The following ADARB2 variants were observed in gnomAD, a reference collection of about 807,000 sequenced individuals.
ADARB2 encodes the protein adenosine deaminase RNA specific B2 (inactive), also known as inactive double-stranded RNA-specific editase B2.
In ADARB2, 25 loss-of-function variants were observed where a neutral mutation model predicts 62.2. That is an observed-to-expected ratio of 0.40 (90% confidence interval 0.29 to 0.56). The LOEUF (loss-of-function observed/expected upper bound fraction) is 0.56, where lower values mean the gene tolerates loss of function less well. ADARB2 is among the 20% of genes least tolerant of loss of function. The probability of loss-of-function intolerance (pLI) is 0.43; values close to 1 mark genes in which losing one functional copy is unlikely to be tolerated. For missense variants in ADARB2, 1,071 were observed against 1,077.4 expected (o/e 0.99, Z 0.08); for synonymous variants, 572 against 500.8 (o/e 1.14, Z -1.90).
intron 1 of ADARB2, among the ~76,000 whole-genome samples, chr10:1,464,490 G>C (rs868550165): frequency 2.6e-5 from 2 of 76,514 alleles, no homozygotes; most frequent in African/African-American, 9.4e-5. Flanking sequence ...CGTGCTGGGG[G>C]CAGTCACAGC....
chr10:1,530,873 C>G (rs528981529), intron 1 of ADARB2, among the ~76,000 whole-genome samples: 105 of 151,428 alleles, frequency 6.9e-4, no homozygotes, highest in African/African-American at 2.5e-3. Flanking sequence ...GGTCTCAGCA[C>G]TCAGCACCCA....
intron 6 of ADARB2, among the ~76,000 whole-genome samples, chr10:1,219,094 TCTCA>T (rs1830659276): frequency 7.0e-6 from 1 of 143,840 alleles, no homozygotes. Flanking sequence ...TCCCCCGCCC[TCTCA>T]CTCCTGCTCT....
intron 1 of ADARB2, among the ~76,000 whole-genome samples, chr10:1,661,673 G>A (rs183366509): frequency 2.5e-4 from 38 of 152,274 alleles, no homozygotes; most frequent in African/African-American, 7.0e-4. Flanking sequence ...TGTGAGGGTC[G>A]GCATTCACCG....
chr10:1,289,058 G>A (rs905880803), intron 3 of ADARB2, among the ~76,000 whole-genome samples: 1 of 152,118 alleles, frequency 6.6e-6, no homozygotes, highest in African/African-American at 2.4e-5. Context: ...ACAAAGACCT[G>A]AGTCCGATGA....
rs143715736 is a variant in ADARB2, at chr10:1,332,120, C to T, written c.1077+30908G>A. On this transcript the variant is annotated intron_variant, in intron 3 of 9. Coordinates refer to ENST00000381312, the MANE Select transcript of ADARB2 (RefSeq NM_018702.4). ...TGCAAAGCAGGCAAGAATGGACACA[C>T]TTGCTGGGTGTGGTGGCTCACGCCT... Among the ~76,000 whole-genome samples the T allele has an allele frequency of 3.9e-4, 60 of 152,354 alleles. No homozygotes were observed. The East Asian group carries it at 0.011, about 28-fold the overall frequency.
At position 1,529,972 on chromosome 10, in the gene ADARB2, C is replaced by G. The variant is rs562450806; in HGVS notation, c.101-150812G>C. On this transcript the variant is annotated intron_variant, in intron 1 of 9. Coordinates refer to ENST00000381312, the MANE Select transcript of ADARB2 (RefSeq NM_018702.4). Reference sequence around the variant, plus strand: ...GCCCCTGCCACTGTGGGCACCCATCCACTGCTCCTGCCACTGTGGGCACCC... The same window carrying G: ...GCCCCTGCCACTGTGGGCACCCATCGACTGCTCCTGCCACTGTGGGCACCC... Among the ~76,000 whole-genome samples the G allele has an allele frequency of 4.9e-3, 750 of 151,692 alleles. 6 individuals are homozygous for G. The highest frequency in any genetic ancestry group is 8.7e-3 in the Non-Finnish European group (588 of 67,738).
At chr10:1,725,512 A>G (rs905792632) in intron 1 of ADARB2, among the ~76,000 whole-genome samples, 2 of 151,700 alleles carry the variant, frequency 1.3e-5, no homozygotes, top group African/African-American at 2.4e-5. Flanking sequence ...CGGTGGGGGA[A>G]GACCCCCTCC....
intron 7 of ADARB2, among the ~76,000 whole-genome samples, chr10:1,203,184 CTAAA>C (rs1477617761): frequency 6.6e-6 from 1 of 152,202 alleles, no homozygotes; most frequent in African/African-American, 2.4e-5. Flanking sequence ...TAGATAATCC[CTAAA>C]TAAATATATT....
chr10:1,662,976 C>T (rs141239341), intron 1 of ADARB2, among the ~76,000 whole-genome samples: 52 of 152,260 alleles, frequency 3.4e-4, no homozygotes, highest in African/African-American at 1.2e-3. Context: ...CAACCAGACG[C>T]GGAACACGAC....
chr10:1,657,214 T>C (rs1227983276), intron 1 of ADARB2, among the ~76,000 whole-genome samples: 4 of 152,152 alleles, frequency 2.6e-5, no homozygotes, highest in Non-Finnish European at 4.4e-5. Flanking sequence ...TTCAAAAAAG[T>C]ATGAAAGCAG....
intron 1 of ADARB2, among the ~76,000 whole-genome samples, chr10:1,573,273 G>T (rs1832964922): frequency 6.6e-6 from 1 of 152,158 alleles, no homozygotes; most frequent in Admixed American, 6.5e-5. Context: ...GCTTGGATGA[G>T]CCCCGGTGGG....
chr10:1,617,386 GCCCGTCC>G (rs1249430511), intron 1 of ADARB2, among the ~76,000 whole-genome samples: 1 of 84,148 alleles, frequency 1.2e-5, no homozygotes, highest in African/African-American at 4.4e-5. Context: ...ATGTTTGTGT[GCCCGTCC>G]AGACACACTC....
rs1028635628 is a variant in ADARB2 at position 1,363,293 on chromosome 10, G to C, written c.812C>G (p.Pro271Arg). ...GGGGTTGCGCTCGCCCGGGGCCGCG[G>C]GGGTGGCGGGGGTCGGGCCCACCAG... Reference protein sequence around the residue: ...LDLVGPTPATPAAPGERNPVV... With the variant: ...LDLVGPTPATRAAPGERNPVV... Residue 271 changes from proline (P) to arginine (R), a missense_variant, in exon 3 of 10, where the codon CCC (proline) becomes CGC (arginine). By Grantham distance (103) the Pro-to-Arg change is moderately radical. Transcript: ENST00000381312. 4.1e-6 allele frequency: 5 copies of C among 1,233,796 alleles called. No homozygotes were observed. In the African/African-American group the frequency reaches 6.3e-5, roughly 16 times the overall value. The allele number at this position is 1,233,796 out of a possible 1,614,324, so 76.4% of individuals were successfully genotyped here. A position where few individuals can be genotyped will look rare whatever the true frequency, so the allele number is the denominator to read the frequency against.
intron 1 of ADARB2, among the ~76,000 whole-genome samples, chr10:1,630,207 G>C (rs1833825204): frequency 6.6e-6 from 1 of 152,200 alleles, no homozygotes; most frequent in Non-Finnish European, 1.5e-5. Context: ...ACTGTGGCCA[G>C]AGACCATTCT....
chr10:1,646,652 G>A (rs1834046458), intron 1 of ADARB2, among the ~76,000 whole-genome samples: 1 of 152,218 alleles, frequency 6.6e-6, no homozygotes, highest in African/African-American at 2.4e-5. Flanking sequence ...ACTCAAATCC[G>A]AACTTGCAAC....
At position 1,400,484 on chromosome 10, in the gene ADARB2, A is replaced by G. The variant is rs374044895; in HGVS notation, c.101-21324T>C. On this transcript the variant is annotated intron_variant, in intron 1 of 9. Coordinates refer to ENST00000381312, the MANE Select transcript of ADARB2 (RefSeq NM_018702.4). ...GATTTTCTGGGAGAAAGGCAGCCGC[A>G]GTGCTCTCTACTAGATGCCCTGAAA... is the stretch of plus-strand genomic sequence containing the variant. Among the ~76,000 whole-genome samples, 8 of 152,176 alleles carry G rather than the reference A, an allele frequency of 5.3e-5. No individual in the cohort carries two copies. The East Asian group carries it at 9.6e-4, about 18-fold the overall frequency.
At chr10:1,195,510 A>G (rs1037270326) in intron 8 of ADARB2, among the ~76,000 whole-genome samples, 1 of 151,062 alleles carries the variant, frequency 6.6e-6, no homozygotes, top group Non-Finnish European at 1.5e-5. Flanking sequence ...GGGAGAGCAC[A>G]TCTAGGCAGA....
intron 3 of ADARB2, among the ~76,000 whole-genome samples, chr10:1,359,371 C>T (rs994268564): frequency 6.6e-6 from 1 of 152,188 alleles, no homozygotes; most frequent in African/African-American, 2.4e-5. Context: ...CTGGCTGACT[C>T]GGATCCCATG....
chr10:1,314,648 G>A (rs1831721596), intron 3 of ADARB2, among the ~76,000 whole-genome samples: 1 of 152,198 alleles, frequency 6.6e-6, no homozygotes, highest in Admixed American at 6.5e-5. Context: ...GGCATGCGAA[G>A]GTGCAGAGCT....
Sources: gnomAD v4.1 joint callset for allele counts (sites outside exome capture counted in the v4.1 genomes callset) on GRCh38, gnomAD v4.1.1 for gene constraint, MANE v1.5 for transcripts, NCBI Gene and HGNC (gene_info 2026-07-23, HGNC 2026-07-21) for gene names.